Variants in RNF24 observed in about 807,000 individuals in gnomAD.
The protein encoded by RNF24 is ring finger protein 24.
Under a neutral mutation model 20.0 loss-of-function variants are expected in RNF24, and 14 were observed. The observed-to-expected ratio is 0.70, with a 90% confidence interval of 0.46 to 1.10. The LOEUF (loss-of-function observed/expected upper bound fraction) is 1.10, where lower values mean the gene tolerates loss of function less well. Ranked by LOEUF, RNF24 falls within the 50% of genes least tolerant of loss-of-function variation. The pLI is 0.00. For synonymous variants in RNF24, 45 were observed against 61.1 expected (o/e 0.74, Z 1.23); for missense variants, 124 against 177.6 (o/e 0.70, Z 1.71).
rs1189570521 is a variant in RNF24, at chr20:3,931,388, T to TCCTTTTTC, written c.*2667_*2674dup. On this transcript the variant is annotated 3_prime_UTR_variant, in exon 6 of 6. Transcript: ENST00000358395. ...AGTTATAAAGGGGTCCCTAACTCAT[T>TCCTTTTTC]CCTTTTTCAAAATAAATAAAAAAAG... The TCCTTTTTC allele has an allele frequency of 5.9e-5, 9 of 152,138 alleles. No individual in the cohort carries two copies. Among genetic ancestry groups the TCCTTTTTC allele is most frequent in the Admixed American group, 5.9e-4 (9 of 15,266 alleles). The allele number at this position is 152,138 out of a possible 1,614,324, so 9.4% of individuals were successfully genotyped here.
In RNF24 at chr20:3,963,925, A is replaced by G; in HGVS notation, c.93T>C (p.Thr31=). Residue 31 remains threonine, a synonymous_variant, in exon 2 of 6, where the codon ACT becomes ACC. Coordinates refer to ENST00000358395, the MANE Select transcript of RNF24 (RefSeq NM_001134337.3). Reference sequence around the variant, plus strand: ...AACTAAGGATGAAGACAAATATAGCAGTACCAAAAACCACAATATATATGT... The same window carrying G: ...AACTAAGGATGAAGACAAATATAGCGGTACCAAAAACCACAATATATATGT... ...PLNIYIVVFG[T]AIFVFILSLL... is the part of the protein sequence containing the mutation. 1 of 1,610,976 alleles carries G rather than the reference A, an allele frequency of 6.2e-7. No homozygotes were observed. Among genetic ancestry groups the G allele is most frequent in the East Asian group, 2.2e-5 (1 of 44,740 alleles).
intron 4 of RNF24, among the ~76,000 whole-genome samples, chr20:3,938,887 T>C (rs965866923): frequency 5.3e-5 from 8 of 152,066 alleles, no homozygotes; most frequent in South Asian, 2.1e-4. Context: ...AGCTGGGACT[T>C]ACAGGCACAC....
At chr20:3,960,853 G>C (rs2091193803) in intron 2 of RNF24, among the ~76,000 whole-genome samples, 1 of 151,834 alleles carries the variant, frequency 6.6e-6, no homozygotes, top group Non-Finnish European at 1.5e-5. Flanking sequence ...GTAGAGTGTG[G>C]CACAATCTTG....
At chr20:3,976,015 G>A (rs2147014570) in intron 1 of RNF24, among the ~76,000 whole-genome samples, 1 of 152,222 alleles carries the variant, frequency 6.6e-6, no homozygotes, top group African/African-American at 2.4e-5. Flanking sequence ...TTGAACTCCT[G>A]GACTCAAGTG....
chr20:3,957,861 T>C (rs1039234078), intron 2 of RNF24, among the ~76,000 whole-genome samples: 1 of 152,216 alleles, frequency 6.6e-6, no homozygotes, highest in Non-Finnish European at 1.5e-5. Flanking sequence ...AGAGAAATGA[T>C]AAAACCGTGT....
intron 2 of RNF24, 64 bp downstream of exon 2, chr20:3,963,811 G>A: frequency 7.3e-7 from 1 of 1,360,688 alleles, no homozygotes; most frequent in Non-Finnish European, 1.0e-6. Flanking sequence ...AAAATCTGAG[G>A]ACAGAAACTT....
intron 1 of RNF24, among the ~76,000 whole-genome samples, chr20:3,989,615 G>A (rs897442785): frequency 1.3e-5 from 2 of 152,162 alleles, no homozygotes; most frequent in Non-Finnish European, 2.9e-5. Context: ...TCTTCCTTCT[G>A]CACACATGTA....
At chr20:3,977,964 A>G (rs1979029433) in intron 1 of RNF24, among the ~76,000 whole-genome samples, 2 of 152,200 alleles carry the variant, frequency 1.3e-5, no homozygotes, top group Non-Finnish European at 2.9e-5. Context: ...TAACACGTAC[A>G]AAAATACAGT....
chr20:3,974,481 A>G, intron 1 of RNF24: 1 of 1,285,610 alleles, frequency 7.8e-7, no homozygotes, highest in Non-Finnish European at 1.0e-6. Flanking sequence ...CCTATTTGCC[A>G]CATCAACATC....
chr20:3,956,121 T>C (rs2091139507), intron 2 of RNF24, among the ~76,000 whole-genome samples: 2 of 152,174 alleles, frequency 1.3e-5, no homozygotes, highest in African/African-American at 4.8e-5. Flanking sequence ...CTTCTATTTC[T>C]TTTTCTTGCC....
At position 3,930,006 on chromosome 20, in the gene RNF24, CAT is replaced by C. The variant is rs1006558186; in HGVS notation, c.*4055_*4056del. 4 of 152,190 alleles carry C rather than the reference CAT, an allele frequency of 2.6e-5. No individual in the cohort carries two copies. Among genetic ancestry groups the C allele is most frequent in the East Asian group, 1.9e-4 (1 of 5,204 alleles). The allele number at this position is 152,190 out of a possible 1,614,324, so 9.4% of individuals were successfully genotyped here. ...CCTTGAATACACTTGTCTGGTATCA[CAT>C]GAGTAGAAAAGGAGAAAAATTATAT... On this transcript the variant is annotated 3_prime_UTR_variant, in exon 6 of 6. Coordinates refer to ENST00000358395, the MANE Select transcript of RNF24 (RefSeq NM_001134337.3).
chr20:3,980,970 G>C (rs1024869640), intron 1 of RNF24, among the ~76,000 whole-genome samples: 12 of 151,650 alleles, frequency 7.9e-5, no homozygotes, highest in East Asian at 7.7e-4. Context: ...TGTGTGTTGG[G>C]GGGGGCAGGG....
intron 1 of RNF24, among the ~76,000 whole-genome samples, chr20:3,973,156 T>C (rs745452815): frequency 6.6e-6 from 1 of 151,854 alleles, no homozygotes; most frequent in Non-Finnish European, 1.5e-5. Context: ...TGAGCTGAGA[T>C]TGTGCCACTG....
intron 1 of RNF24, among the ~76,000 whole-genome samples, chr20:4,008,533 T>TTA (rs1568673153): frequency 3.4e-5 from 4 of 116,352 alleles, no homozygotes; most frequent in Non-Finnish European, 3.4e-5. Flanking sequence ...TATATATTAT[T>TTA]TATATATATT....
intron 1 of RNF24, among the ~76,000 whole-genome samples, chr20:4,001,387 T>A (rs935132446): frequency 6.6e-6 from 1 of 152,126 alleles, no homozygotes; most frequent in Admixed American, 6.5e-5. Context: ...TCAGATCTAA[T>A]AAACTCAGAA....
At chr20:3,959,598 T>G (rs2091179491) in intron 2 of RNF24, among the ~76,000 whole-genome samples, 1 of 152,238 alleles carries the variant, frequency 6.6e-6, no homozygotes, top group East Asian at 1.9e-4. Context: ...CTCTATTTTT[T>G]GTTTATAATT....
chr20:3,936,620 A>C (rs1433676900), intron 4 of RNF24, among the ~76,000 whole-genome samples: 1 of 152,102 alleles, frequency 6.6e-6, no homozygotes, highest in African/African-American at 2.4e-5. Context: ...CCCACCTGTA[A>C]AGAGGGAATG....
At chr20:3,943,541 T>G (rs942572578) in intron 4 of RNF24, among the ~76,000 whole-genome samples, 7 of 152,134 alleles carry the variant, frequency 4.6e-5, no homozygotes, top group African/African-American at 1.7e-4. Context: ...ACAAAAAATA[T>G]GGCTATTTGA....
At chr20:3,955,068 G>T (rs2091127344) in intron 2 of RNF24, among the ~76,000 whole-genome samples, 1 of 152,022 alleles carries the variant, frequency 6.6e-6, no homozygotes, top group African/African-American at 2.4e-5. Flanking sequence ...GGTGTGAAGT[G>T]GTATCTCATT....
Sources: gnomAD v4.1 joint callset for allele counts (sites outside exome capture counted in the v4.1 genomes callset) on GRCh38, gnomAD v4.1.1 for gene constraint, MANE v1.5 for transcripts, NCBI Gene and HGNC (gene_info 2026-07-23, HGNC 2026-07-21) for gene names.